SMYD3: variants seen among roughly 807,000 people sequenced by gnomAD.
The protein encoded by SMYD3 is SET and MYND domain containing 3.
SMYD3 carries 36 observed loss-of-function variants against 57.7 expected under a neutral mutation model. That is an observed-to-expected ratio of 0.62 (90% CI 0.48 to 0.82). The LOEUF (loss-of-function observed/expected upper bound fraction) is 0.82, where lower values mean the gene tolerates loss of function less well. SMYD3 is among the 40% of genes least tolerant of loss of function. The probability of loss-of-function intolerance (pLI) is 0.00; values close to 1 mark genes in which losing one functional copy is unlikely to be tolerated. For synonymous variants in SMYD3, 211 were observed against 195.0 expected (o/e 1.08, Z -0.68); for missense variants, 515 against 538.8 (o/e 0.96, Z 0.44).
chr1:245,960,593 A>G (rs2057974788), intron 5 of SMYD3, among the ~76,000 whole-genome samples: 1 of 152,128 alleles, frequency 6.6e-6, no homozygotes, highest in Non-Finnish European at 1.5e-5. Flanking sequence ...CAGGTGTGGT[A>G]GTGTGTGCCT....
intron 1 of SMYD3, among the ~76,000 whole-genome samples, chr1:246,368,308 A>T (rs78877512): frequency 0.042 from 6,380 of 152,190 alleles, 173 homozygotes; most frequent in Non-Finnish European, 0.056. Flanking sequence ...TGTCAGAGGG[A>T]AAGAGTATGT....
intron 5 of SMYD3, among the ~76,000 whole-genome samples, chr1:246,177,962 T>C (rs547756551): frequency 6.6e-6 from 1 of 152,270 alleles, no homozygotes; most frequent in East Asian, 1.9e-4. Flanking sequence ...TCAAAAAGGG[T>C]GCTGCCTCCA....
intron 1 of SMYD3, among the ~76,000 whole-genome samples, chr1:246,401,151 A>C (rs1376311128): frequency 6.6e-6 from 1 of 152,210 alleles, no homozygotes; most frequent in Non-Finnish European, 1.5e-5. Flanking sequence ...TAAAATTTCT[A>C]GGTAACCAAG....
chr1:246,479,952 G>C (rs373269694), intron 1 of SMYD3, among the ~76,000 whole-genome samples: 1 of 151,938 alleles, frequency 6.6e-6, no homozygotes, highest in South Asian at 2.1e-4. Flanking sequence ...ATTAAATATC[G>C]CAACAAATAC....
chr1:246,266,048 G>C (rs182352265), intron 5 of SMYD3, among the ~76,000 whole-genome samples: 95 of 152,248 alleles, frequency 6.2e-4, no homozygotes, highest in African/African-American at 2.2e-3. Context: ...GCAATCATTT[G>C]TTCAAGATCC....
chr1:246,436,992 C>A (rs550478946), intron 1 of SMYD3, among the ~76,000 whole-genome samples: 1 of 151,530 alleles, frequency 6.6e-6, no homozygotes, highest in Admixed American at 6.6e-5. Flanking sequence ...CTCCACCTCC[C>A]GGGTTCAAGC....
intron 5 of SMYD3, among the ~76,000 whole-genome samples, chr1:246,183,011 G>T (rs888227788): frequency 1.3e-5 from 2 of 152,084 alleles, no homozygotes; most frequent in Admixed American, 6.5e-5. Context: ...CTTATTTTTA[G>T]CAGATTAAAT....
At chr1:246,267,752 CG>C (rs2064137896) in intron 5 of SMYD3, among the ~76,000 whole-genome samples, 2 of 152,294 alleles carry the variant, frequency 1.3e-5, no homozygotes, top group South Asian at 4.2e-4. Context: ...ACCTTAGGTA[CG>C]GGAGCATACT....
chr1:246,307,413 C>CTTTTTT (rs869254416), intron 5 of SMYD3, among the ~76,000 whole-genome samples: 22 of 96,062 alleles, frequency 2.3e-4, no homozygotes, highest in African/African-American at 2.8e-4. Flanking sequence ...TTAGGGGATT[C>CTTTTTT]TTTTTTTTTT....
intron 10 of SMYD3, among the ~76,000 whole-genome samples, chr1:245,774,941 G>C (rs1260354124): frequency 6.6e-6 from 1 of 152,194 alleles, no homozygotes; most frequent in Non-Finnish European, 1.5e-5. Context: ...AACCGCGAGT[G>C]ATCCGCCAGC....
At chr1:246,154,566 A>G (rs753236296) in intron 5 of SMYD3, among the ~76,000 whole-genome samples, 14 of 152,180 alleles carry the variant, frequency 9.2e-5, no homozygotes, top group Non-Finnish European at 2.1e-4. Flanking sequence ...TAGAATAGTA[A>G]TTAACATTTA....
intron 1 of SMYD3, among the ~76,000 whole-genome samples, chr1:246,400,197 T>C (rs781522826): frequency 1.8e-4 from 27 of 152,256 alleles, no homozygotes; most frequent in Non-Finnish European, 3.4e-4. Flanking sequence ...TTTATTCATC[T>C]AACATTTATT....
chr1:246,074,905 T>C (rs557140679), intron 5 of SMYD3, among the ~76,000 whole-genome samples: 1 of 138,916 alleles, frequency 7.2e-6, no homozygotes, highest in African/African-American at 3.0e-5. Flanking sequence ...AATAGCATGC[T>C]AAAGCAATAC....
At chr1:245,993,649 G>C (rs1285488602) in intron 5 of SMYD3, among the ~76,000 whole-genome samples, 2 of 148,214 alleles carry the variant, frequency 1.3e-5, no homozygotes, top group African/African-American at 2.5e-5. Context: ...CAGACAGACA[G>C]ACAGACAGAC....
chr1:245,977,868 G>A (rs2058491586), intron 5 of SMYD3, among the ~76,000 whole-genome samples: 1 of 152,122 alleles, frequency 6.6e-6, no homozygotes, highest in South Asian at 2.1e-4. Context: ...CTGGCAAGCA[G>A]TCTTTCTTAC....
intron 1 of SMYD3, among the ~76,000 whole-genome samples, chr1:246,460,179 G>A (rs969280696): frequency 1.3e-5 from 2 of 152,086 alleles, no homozygotes; most frequent in South Asian, 4.1e-4. Context: ...GCTTTACCTC[G>A]ACTGCCTTTA....
At chr1:245,891,410 C>T (rs76098835) in intron 8 of SMYD3, among the ~76,000 whole-genome samples, 2,894 of 152,232 alleles carry the variant, frequency 0.019, 87 homozygotes, top group African/African-American at 0.066. Context: ...ATAATGTTTA[C>T]AAAAGAGGAT....
At chr1:246,117,804 C>G (rs1558243843) in intron 5 of SMYD3, among the ~76,000 whole-genome samples, 3 of 152,104 alleles carry the variant, frequency 2.0e-5, no homozygotes. Flanking sequence ...ATAGTAAAAA[C>G]ATAACTACTT....
At chr1:246,190,758 T>C (rs1043795866) in intron 5 of SMYD3, among the ~76,000 whole-genome samples, 1 of 152,084 alleles carries the variant, frequency 6.6e-6, no homozygotes, top group Non-Finnish European at 1.5e-5. Flanking sequence ...TAGAAGATAG[T>C]CGAGGTCAAG....
Sources: allele counts gnomAD v4.1 joint callset (sites outside exome capture counted in the v4.1 genomes callset), GRCh38; gene constraint gnomAD v4.1.1; transcripts MANE v1.5; gene names NCBI Gene and HGNC (gene_info 2026-07-23, HGNC 2026-07-21).